SPRING1: variants seen among roughly 807,000 people sequenced by gnomAD.
The protein encoded by SPRING1 is SREBP regulating gene protein.
SPRING1 carries 14 observed loss-of-function variants against 24.7 expected under a neutral mutation model. The observed-to-expected ratio is 0.57, with a 90% CI of 0.37 to 0.88. The LOEUF is 0.88. Among genes scored for constraint, SPRING1 ranks in the 40% least tolerant of loss-of-function variants. The pLI is 0.00. For missense variants in SPRING1, 255 were observed against 268.4 expected (o/e 0.95, Z 0.35); for synonymous variants, 93 against 106.1 (o/e 0.88, Z 0.76).
intron 1 of SPRING1, among the ~76,000 whole-genome samples, chr12:116,727,185 T>G (rs1870740540): frequency 6.6e-6 from 1 of 152,238 alleles, no homozygotes; most frequent in African/African-American, 2.4e-5. Context: ...TTCAAAGATA[T>G]CTAGTTCTTA....
At chr12:116,721,383 G>C (rs1481773197) in intron 2 of SPRING1, among the ~76,000 whole-genome samples, 1 of 152,148 alleles carries the variant, frequency 6.6e-6, no homozygotes, top group Non-Finnish European at 1.5e-5. Flanking sequence ...AAACACCCCA[G>C]CTTCTTCATC....
intron 1 of SPRING1, among the ~76,000 whole-genome samples, chr12:116,736,708 C>T (rs1871236525): frequency 6.6e-6 from 1 of 152,196 alleles, no homozygotes. Flanking sequence ...ACTAAGCACT[C>T]AACCTGGACT....
In SPRING1 at chr12:116,720,394, C is replaced by T. The variant is rs756096562; in HGVS notation, c.322G>A (p.Val108Ile). ...CAGCAGTACTGCTTCGTGCTAGGGA[C>T]GTTGACATTACAGCAGCCATTTACC... Reference protein sequence around the residue: ...LLVNGCCNVNVPSTKQYCCDG... With the variant: ...LLVNGCCNVNIPSTKQYCCDG... The change falls in exon 3 of 5, where the codon GTC (valine) becomes ATC (isoleucine). Residue 108 changes from valine to isoleucine, a missense_variant. Physicochemically the swap from Val to Ile is conservative, Grantham distance 29. Coordinates refer to ENST00000261318, the MANE Select transcript of SPRING1 (RefSeq NM_024738.4). This position sits in a 1 kb window ranked among gnomAD's most constrained non-coding sequence, Gnocchi z 4.0. 11 of 1,614,064 alleles carry T rather than the reference C, an allele frequency of 6.8e-6. No homozygotes were observed. Among genetic ancestry groups the T allele is most frequent in the Admixed American group, 6.7e-5 (4 of 60,004 alleles).
Position 116,711,788 on chromosome 12 carries a change from TTA to T in SPRING1, c.*6020_*6021del, listed in dbSNP as rs1869882362. The T allele has an allele frequency of 6.6e-6, 1 of 151,624 alleles. No individual in the cohort carries two copies. Among genetic ancestry groups the T allele is most frequent in the East Asian group, 2.3e-4 (1 of 4,380 alleles). The allele number at this position is 151,624 out of a possible 1,614,324, so 9.4% of individuals were successfully genotyped here. A position where few individuals can be genotyped will look rare whatever the true frequency, so the allele number is the denominator to read the frequency against. On this transcript the variant is annotated 3_prime_UTR_variant, in exon 5 of 5. Transcript: ENST00000261318. ...CACTACCATGCCTGGCTCCTTTTTT[TTA>T]TTTTTTGTAGAGACAGGGTCTCCCT...
chr12:116,717,859 A>G lies in SPRING1; in HGVS notation c.569T>C (p.Ile190Thr), dbSNP rs199517113. 4.3e-5 allele frequency: 69 copies of G among 1,608,968 alleles called. No homozygotes were observed. Among genetic ancestry groups the G allele is most frequent in the Middle Eastern group, 3.4e-4 (2 of 5,944 alleles). The change falls in exon 5 of 5, where the codon ATA (isoleucine) becomes ACA (threonine). Residue 190 changes from isoleucine to threonine, a missense_variant. By Grantham distance (89) the Ile-to-Thr change is moderately conservative. Transcript: ENST00000261318. This position sits in a 1 kb window ranked among gnomAD's most constrained non-coding sequence, Gnocchi z 4.2. ...GCTTTCTCCATAGCAATACTTTGCT[A>G]TGGGGTCCCGGTAGGTGTTCTCATG... ...VQHENTYRDP[I>T]AKYCYGESPP...
At chr12:116,732,562 C>A (rs2137045193) in intron 1 of SPRING1, among the ~76,000 whole-genome samples, 1 of 152,282 alleles carries the variant, frequency 6.6e-6, no homozygotes, top group Admixed American at 6.5e-5. Flanking sequence ...ACAAAATTAG[C>A]GAGGCATGGT....
In SPRING1 at chr12:116,711,335, C is replaced by A. The variant is rs1046765404; in HGVS notation, c.*6475G>T. On this transcript the variant is annotated 3_prime_UTR_variant, in exon 5 of 5. Transcript: ENST00000261318. ...GATCACGAGGTCAGGAGATCGAGAC[C>A]ATCCTGGCTACTAACACGGTGAAAC... The A allele has an allele frequency of 3.3e-5, 5 of 152,160 alleles. No homozygotes were observed. The highest frequency in any genetic ancestry group is 1.2e-4 in the African/African-American group (5 of 41,408). 9.4% of individuals were successfully genotyped at this position (152,160 alleles called of 1,614,324 possible).
Position 116,728,829 on chromosome 12 carries a change from G to A in SPRING1, c.112-5606C>T, listed in dbSNP as rs757908508. Among the ~76,000 whole-genome samples, 19 of 152,314 alleles carry A rather than the reference G, an allele frequency of 1.2e-4. No homozygotes were observed. In the East Asian group the frequency reaches 2.3e-3, roughly 19 times the overall value. On this transcript the variant is annotated intron_variant, in intron 1 of 4. Transcript: ENST00000261318. This position sits in a 1 kb window ranked among gnomAD's most constrained non-coding sequence, Gnocchi z 4.2. ...AAACTGAGGCCAGCTGAGCAGGGACGGCCAAGTCAGACGCATGCAGGAGCG... is the reference window on the plus strand; with the variant it reads ...AAACTGAGGCCAGCTGAGCAGGGACAGCCAAGTCAGACGCATGCAGGAGCG...
chr12:116,727,903 A>C (rs1323051818), intron 1 of SPRING1, among the ~76,000 whole-genome samples: 1 of 152,150 alleles, frequency 6.6e-6, no homozygotes, highest in Non-Finnish European at 1.5e-5. Flanking sequence ...CTCTCTTAAT[A>C]ATCAGTGCAA....
chr12:116,727,887 A>ATC lies in SPRING1; in HGVS notation c.112-4666_112-4665dup, dbSNP rs1256936857. On this transcript the variant is annotated intron_variant, in intron 1 of 4. Transcript: ENST00000261318. ...GACAAACATTCTGCAATATATATATATCTCTCTCTCTTAATAATCAGTGCA... is the reference window on the plus strand; with the variant it reads ...GACAAACATTCTGCAATATATATATATCTCTCTCTCTCTTAATAATCAGTGCA... Among the ~76,000 whole-genome samples, 5 of 152,220 alleles carry ATC rather than the reference A, an allele frequency of 3.3e-5. No homozygotes were observed. The East Asian group carries it at 9.7e-4, about 29-fold the overall frequency.
chr12:116,718,862 TA>T (rs1870278240), intron 4 of SPRING1, among the ~76,000 whole-genome samples: 2 of 152,254 alleles, frequency 1.3e-5, no homozygotes, highest in Admixed American at 1.3e-4. Flanking sequence ...AGGAATTTCT[TA>T]ATGTTTTCAA....
chr12:116,724,738 G>A (rs1329831117), intron 1 of SPRING1, among the ~76,000 whole-genome samples: 1 of 152,076 alleles, frequency 6.6e-6, no homozygotes, highest in East Asian at 1.9e-4. Context: ...AATGAACACT[G>A]GTATAACAAT....
At chr12:116,721,840 C>T (rs1870449959) in intron 2 of SPRING1, among the ~76,000 whole-genome samples, 2 of 152,204 alleles carry the variant, frequency 1.3e-5, no homozygotes, top group South Asian at 4.1e-4. Flanking sequence ...TACTTTTCAT[C>T]TTGTAAGTGT....
rs1299046135 is a variant in SPRING1, at chr12:116,716,087, C to T, written c.*1723G>A. ...ACAATAGATGGATGAGACATGCAGA[C>T]ATGCCACAATCCGGCACATCAGAGT... On this transcript the variant is annotated 3_prime_UTR_variant, in exon 5 of 5. Transcript: ENST00000261318. 2 of 152,218 alleles carry T rather than the reference C, an allele frequency of 1.3e-5. No homozygotes were observed. Among genetic ancestry groups the T allele is most frequent in the African/African-American group, 4.8e-5 (2 of 41,458 alleles). The allele number at this position is 152,218 out of a possible 1,614,324, so 9.4% of individuals were successfully genotyped here. A position where few individuals can be genotyped will look rare whatever the true frequency, so the allele number is the denominator to read the frequency against.
At position 116,728,897 on chromosome 12, in the gene SPRING1, G is replaced by A. The variant is rs1250735633; in HGVS notation, c.112-5674C>T. ...AGGACAGCGGGGCTCAAAAGCCTTT[G>A]GTCCTGGAACCCTTTCTAATCTTAA... On this transcript the variant is annotated intron_variant, in intron 1 of 4. Coordinates refer to ENST00000261318, the MANE Select transcript of SPRING1 (RefSeq NM_024738.4). The surrounding 1 kb of genome is among the most constrained non-coding windows in gnomAD (Gnocchi z 4.2). Among the ~76,000 whole-genome samples the A allele has an allele frequency of 6.6e-6, 1 of 152,158 alleles. No homozygotes were observed. The highest frequency in any genetic ancestry group is 6.5e-5 in the Admixed American group (1 of 15,276).
chr12:116,713,344 AG>A lies in SPRING1; in HGVS notation c.*4465del. ...CTGCTTTCATATAAAAATGTACTGT[AG>A]TAATCAGTAAGAAAAAGAAACAACA... On this transcript the variant is annotated 3_prime_UTR_variant, in exon 5 of 5. Transcript: ENST00000261318. 1 of 152,382 alleles carries A rather than the reference AG, an allele frequency of 6.6e-6. No individual in the cohort carries two copies. The highest frequency in any genetic ancestry group is 1.9e-4 in the East Asian group (1 of 5,192). The allele number at this position is 152,382 out of a possible 1,614,324, so 9.4% of individuals were successfully genotyped here.
chr12:116,728,096 G>A lies in SPRING1; in HGVS notation c.112-4873C>T, dbSNP rs530932761. Among the ~76,000 whole-genome samples, 6 of 152,084 alleles carry A rather than the reference G, an allele frequency of 3.9e-5. No homozygotes were observed. The highest frequency in any genetic ancestry group is 1.9e-4 in the East Asian group (1 of 5,188). ...TTCAGGAGCTGCACCACTTGAACAC[G>A]TATGAGAACATCTGGTTACACGAGA... On this transcript the variant is annotated intron_variant, in intron 1 of 4. Coordinates refer to ENST00000261318, the MANE Select transcript of SPRING1 (RefSeq NM_024738.4). This position sits in a 1 kb window ranked among gnomAD's most constrained non-coding sequence, Gnocchi z 4.2.
chr12:116,725,200 A>T (rs910835161), intron 1 of SPRING1, among the ~76,000 whole-genome samples: 1 of 152,366 alleles, frequency 6.6e-6, no homozygotes, highest in Admixed American at 6.5e-5. Context: ...AGAAGTAAAC[A>T]GTTCCTAAGT....
chr12:116,730,898 G>C (rs1870943340), intron 1 of SPRING1, among the ~76,000 whole-genome samples: 1 of 152,184 alleles, frequency 6.6e-6, no homozygotes, highest in Non-Finnish European at 1.5e-5. Flanking sequence ...AAAGTAACAA[G>C]CTCACTTCAT....
Sources: allele counts gnomAD v4.1 joint callset (sites outside exome capture counted in the v4.1 genomes callset), GRCh38; gene constraint gnomAD v4.1.1; non-coding constraint Gnocchi (gnomAD v3.1); transcripts MANE v1.5; gene names NCBI Gene and HGNC (gene_info 2026-07-23, HGNC 2026-07-21).